The following SESN3 variants were observed in gnomAD, a reference collection of about 807,000 sequenced individuals.
SESN3 encodes the protein sestrin-3.
SESN3 carries 21 observed loss-of-function variants against 55.3 expected under a neutral mutation model. The ratio of observed to expected loss-of-function variants is 0.38; its 90% confidence interval spans 0.27 to 0.55. The LOEUF (loss-of-function observed/expected upper bound fraction) is 0.55. Ranked by LOEUF, SESN3 falls within the 20% of genes least tolerant of loss-of-function variation. The probability of loss-of-function intolerance (pLI) is 0.76; values close to 1 mark genes in which losing one functional copy is unlikely to be tolerated. For synonymous variants in SESN3, 181 were observed against 203.1 expected (o/e 0.89, Z 0.93); for missense variants, 408 against 604.3 (o/e 0.68, Z 3.41).
chr11:95,184,497 C>A lies in SESN3; in HGVS notation c.860G>T (p.Ser287Ile). Residue 287 changes from serine (S) to isoleucine (I), a missense_variant, in exon 6 of 10, where the codon AGC becomes ATC. Around this residue, in one of 4 missense-constraint regions of SESN3, gnomAD observed 119 missense variants for 139.9 expected, o/e 0.85. Transcript: ENST00000536441. ...EDEEASQEEM[S>I]TRFEKEKKES... is the part of the protein sequence containing the mutation. ...TTTCTTCTCCTTTTCAAAACGAGTGCTCATTTCTTCTTGAGACGCCTCTTC... is the reference window on the plus strand; with the variant it reads ...TTTCTTCTCCTTTTCAAAACGAGTGATCATTTCTTCTTGAGACGCCTCTTC... 1.9e-6 allele frequency: 3 copies of A among 1,613,522 alleles called. No homozygotes were observed. The highest frequency in any genetic ancestry group is 2.5e-6 in the Non-Finnish European group (3 of 1,179,694).
intron 1 of SESN3, among the ~76,000 whole-genome samples, chr11:95,219,203 G>T (rs1591077330): frequency 6.6e-6 from 1 of 152,126 alleles, no homozygotes; most frequent in Non-Finnish European, 1.5e-5. Context: ...CACCCCAACT[G>T]AGAATTCATT....
chr11:95,195,240 A>T (rs1860339797), intron 1 of SESN3, among the ~76,000 whole-genome samples: 1 of 152,206 alleles, frequency 6.6e-6, no homozygotes, highest in Non-Finnish European at 1.5e-5. Context: ...GTTAGCAACT[A>T]AATTTACCTT....
chr11:95,212,992 T>A (rs1860686804), intron 1 of SESN3, among the ~76,000 whole-genome samples: 1 of 152,210 alleles, frequency 6.6e-6, no homozygotes, highest in African/African-American at 2.4e-5. Flanking sequence ...TAAACTTTTA[T>A]AAAATATGTG....
intron 6 of SESN3, among the ~76,000 whole-genome samples, chr11:95,179,656 A>G (rs1433814678): frequency 6.6e-6 from 1 of 152,160 alleles, no homozygotes; most frequent in Non-Finnish European, 1.5e-5. Flanking sequence ...TGGGGAGGAG[A>G]GCAGAGTTTT....
At chr11:95,218,647 C>CTTTT (rs68150878) in intron 1 of SESN3, among the ~76,000 whole-genome samples, 19 of 122,046 alleles carry the variant, frequency 1.6e-4, no homozygotes, top group African/African-American at 3.2e-4. Context: ...GATTTACCCT[C>CTTTT]TTTTTTTTTT....
chr11:95,228,121 G>A (rs866528226), intron 1 of SESN3, among the ~76,000 whole-genome samples: 8 of 152,058 alleles, frequency 5.3e-5, no homozygotes, highest in African/African-American at 1.9e-4. Flanking sequence ...AATCAAAACC[G>A]TAAACGGACT....
At chr11:95,224,389 G>C (rs1452146911) in intron 1 of SESN3, 2 of 391,398 alleles carry the variant, frequency 5.1e-6, no homozygotes, top group Non-Finnish European at 9.9e-6. Flanking sequence ...CTGAAAACTA[G>C]AGGAAAACAA....
Position 95,189,849 on chromosome 11 carries a change from A to G in SESN3, c.455T>C (p.Leu152Pro). Residue 152 changes from leucine to proline, a missense_variant, in exon 4 of 10, where the codon CTG becomes CCG. By Grantham distance (98) the Leu-to-Pro change is moderately conservative. Transcript: ENST00000536441. ...CTTATTAATTTCATTAAGATTTTTC[A>G]GTCTTTGTGGCACATATTCCAAACC... ...LNGLEYVPQR[L>P]KNLNEINKLL... 6.2e-7 allele frequency: 1 copy of G among 1,611,672 alleles called. No individual in the cohort carries two copies. The highest frequency in any genetic ancestry group is 8.5e-7 in the Non-Finnish European group (1 of 1,178,602).
At position 95,178,751 on chromosome 11, in the gene SESN3, C is replaced by G; in HGVS notation, c.1015G>C (p.Ala339Pro). ...EDPGFGYEDF[A>P]RRGEEHLPTF... ...GGCAAATGCTCTTCTCCTCGTCTGG[C>G]AAAGTCTTCATACCCAAAACCAGGG... The change falls in exon 7 of 10, where the codon GCC (alanine) becomes CCC (proline). Residue 339 changes from alanine to proline, a missense_variant. Around this residue, in one of 4 missense-constraint regions of SESN3, gnomAD observed 121 missense variants for 204.9 expected, o/e 0.59. Coordinates refer to ENST00000536441, the MANE Select transcript of SESN3 (RefSeq NM_144665.4). The G allele has an allele frequency of 6.2e-7, 1 of 1,613,040 alleles. No homozygotes were observed. Among genetic ancestry groups the G allele is most frequent in the Non-Finnish European group, 8.5e-7 (1 of 1,179,088 alleles).
intron 2 of SESN3, 135 bp from the exon 3 acceptor site, chr11:95,191,736 A>C: frequency 6.2e-6 from 4 of 650,014 alleles, no homozygotes; most frequent in Non-Finnish European, 1.0e-5. Flanking sequence ...GCAGTTGCTC[A>C]TACTGGAAAC....
rs1861035945 is a variant in SESN3 at position 95,230,515 on chromosome 11, A to T, written c.78+268T>A. ...AGCAAGGTAGGGAAATGAGCCGTAAAGGAGAGCAAAGGCACCAAATAAAAG... is the reference window on the plus strand; with the variant it reads ...AGCAAGGTAGGGAAATGAGCCGTAATGGAGAGCAAAGGCACCAAATAAAAG... On this transcript the variant is annotated intron_variant, in intron 1 of 9. Transcript: ENST00000536441. The surrounding 1 kb of genome is among the most constrained non-coding windows in gnomAD (Gnocchi z 4.6). The T allele has an allele frequency of 4.5e-6, 2 of 441,870 alleles. No individual in the cohort carries two copies. Among genetic ancestry groups the T allele is most frequent in the Non-Finnish European group, 8.1e-6 (2 of 247,966 alleles). The allele number at this position is 441,870 out of a possible 1,614,324, so 27.4% of individuals were successfully genotyped here.
chr11:95,191,691 A>C, intron 2 of SESN3, 90 bp from the exon 3 acceptor site: 1 of 903,156 alleles, frequency 1.1e-6, no homozygotes. Flanking sequence ...GAAGCAAATG[A>C]ATATTCATTT....
rs1859830197 is a variant in SESN3, at chr11:95,170,533, T to C, written c.*2722A>G. On this transcript the variant is annotated 3_prime_UTR_variant, in exon 10 of 10. Transcript: ENST00000536441. ...TATACCAATTGAACCAGATATCTCT[T>C]TTAAAAATATCACATTTTAATATAA... 1 of 152,184 alleles carries C rather than the reference T, an allele frequency of 6.6e-6. No individual in the cohort carries two copies. Among genetic ancestry groups the C allele is most frequent in the Admixed American group, 6.5e-5 (1 of 15,276 alleles). The allele number at this position is 152,184 out of a possible 1,614,324, so 9.4% of individuals were successfully genotyped here.
Position 95,173,126 on chromosome 11 carries a change from A to AAC in SESN3, c.*128_*129insGT. The stretch of plus-strand genomic sequence containing the variant: ...ATTACAGCCGCAAAAAACAAAAAAA[A>AAC]AAAAACAAACGGCTAAACTTTGACA... On this transcript the variant is annotated 3_prime_UTR_variant, in exon 10 of 10. Coordinates refer to ENST00000536441, the MANE Select transcript of SESN3 (RefSeq NM_144665.4). 1 of 541,246 alleles carries AAC rather than the reference A, an allele frequency of 1.8e-6. No homozygotes were observed. The highest frequency in any genetic ancestry group is 3.3e-6 in the Non-Finnish European group (1 of 306,912). 33.5% of individuals were successfully genotyped at this position (541,246 alleles called of 1,614,324 possible).
At chr11:95,204,437 TTTGA>T (rs1160228052) in intron 1 of SESN3, among the ~76,000 whole-genome samples, 6 of 152,120 alleles carry the variant, frequency 3.9e-5, no homozygotes, top group South Asian at 2.1e-4. Flanking sequence ...TATTAATTCA[TTTGA>T]TTATTTTTTT....
rs1859853944 is a variant in SESN3, at chr11:95,171,785, T to C, written c.*1470A>G. ...GTGCAGTTGTGTCCTACTGGATAGT[T>C]GTAAGCATCTCTTTAGGCACTTCAC... is the stretch of plus-strand genomic sequence containing the variant. On this transcript the variant is annotated 3_prime_UTR_variant, in exon 10 of 10. Transcript: ENST00000536441. 1 of 152,172 alleles carries C rather than the reference T, an allele frequency of 6.6e-6. No homozygotes were observed. The allele number at this position is 152,172 out of a possible 1,614,324, so 9.4% of individuals were successfully genotyped here. A position where few individuals can be genotyped will look rare whatever the true frequency, so the allele number is the denominator to read the frequency against.
chr11:95,223,239 A>C (rs1314899100), intron 1 of SESN3, among the ~76,000 whole-genome samples: 3 of 151,848 alleles, frequency 2.0e-5, no homozygotes, highest in Non-Finnish European at 4.4e-5. Flanking sequence ...GAACTCCCAC[A>C]TTCAAACAAT....
At chr11:95,200,699 G>T (rs537955653) in intron 1 of SESN3, among the ~76,000 whole-genome samples, 17 of 151,982 alleles carry the variant, frequency 1.1e-4, no homozygotes, top group Non-Finnish European at 2.4e-4. Context: ...TTTTAACTGA[G>T]CTATTAAAAC....
intron 1 of SESN3, among the ~76,000 whole-genome samples, chr11:95,196,751 C>T (rs1313346459): frequency 2.6e-5 from 4 of 152,206 alleles, no homozygotes; most frequent in South Asian, 2.1e-4. Context: ...TACAGGACAG[C>T]GCAGACATTT....
Sources: allele counts gnomAD v4.1 joint callset (sites outside exome capture counted in the v4.1 genomes callset), GRCh38; gene constraint gnomAD v4.1.1; regional missense constraint gnomAD v4.1.1; non-coding constraint Gnocchi (gnomAD v3.1); transcripts MANE v1.5; gene names NCBI Gene and HGNC (gene_info 2026-07-23, HGNC 2026-07-21).